The following MYO1D variants were observed in gnomAD, a reference collection of about 807,000 sequenced individuals.
MYO1D encodes the protein myosin ID, also known as unconventional myosin-Id.
A neutral mutation model predicts 122.0 loss-of-function variants in MYO1D; 83 were observed. That is an observed-to-expected ratio of 0.68 (90% confidence interval 0.57 to 0.82). MYO1D has a LOEUF of 0.82. MYO1D is among the 40% of genes least tolerant of loss of function. The pLI is 0.00. For synonymous variants in MYO1D, 464 were observed against 446.9 expected, an observed-to-expected ratio of 1.04 and a Z score of -0.48; for missense variants, 1,157 against 1,269.5, an observed-to-expected ratio of 0.91 and a Z score of 1.35.
At chr17:32,635,788 G>A (rs1478279014) in intron 20 of MYO1D, among the ~76,000 whole-genome samples, 1 of 152,120 alleles carries the variant, frequency 6.6e-6, no homozygotes, top group Admixed American at 6.5e-5. Context: ...CAGGAAAGGA[G>A]CCTCTATAGA....
chr17:32,523,105 A>T (rs531141354), intron 21 of MYO1D, among the ~76,000 whole-genome samples: 1 of 152,104 alleles, frequency 6.6e-6, no homozygotes, highest in South Asian at 2.1e-4. Context: ...GTGAGCAACC[A>T]CGCCTGGCCC....
At chr17:32,626,798 C>CA (rs1194134343) in intron 20 of MYO1D, among the ~76,000 whole-genome samples, 1 of 151,816 alleles carries the variant, frequency 6.6e-6, no homozygotes, top group Non-Finnish European at 1.5e-5. Context: ...CTCTTATTAA[C>CA]AAAAAAAGAG....
intron 1 of MYO1D, chr17:32,830,226 T>C (rs568094883): frequency 6.6e-6 from 1 of 152,328 alleles, no homozygotes; most frequent in East Asian, 1.9e-4. Context: ...CATTTTCGAA[T>C]AGTCAAGTGC....
intron 12 of MYO1D, among the ~76,000 whole-genome samples, chr17:32,747,147 C>T (rs995342745): frequency 6.6e-6 from 1 of 152,068 alleles, no homozygotes; most frequent in Non-Finnish European, 1.5e-5. Context: ...AATTTTGAGC[C>T]ATATTATTTT....
chr17:32,591,432 G>A (rs1263802798), intron 21 of MYO1D, among the ~76,000 whole-genome samples: 1 of 152,172 alleles, frequency 6.6e-6, no homozygotes, highest in Non-Finnish European at 1.5e-5. Context: ...AAAAACCATT[G>A]CTTAGAATGA....
intron 20 of MYO1D, among the ~76,000 whole-genome samples, chr17:32,618,409 T>C (rs1005402531): frequency 3.3e-5 from 5 of 152,304 alleles, no homozygotes; most frequent in Non-Finnish European, 7.3e-5. Flanking sequence ...CCAATTCACC[T>C]CACTGCACTG....
intron 6 of MYO1D, 66 bp downstream of exon 6, chr17:32,771,059 T>C (rs2151022908): frequency 3.2e-6 from 4 of 1,237,658 alleles, no homozygotes; most frequent in African/African-American, 1.5e-5. Flanking sequence ...CAGATAATTA[T>C]TGAATGTCTC....
Position 32,714,832 on chromosome 17 carries a change from G to A in MYO1D, c.1914-2637C>T, listed in dbSNP as rs191897097. ...CAAAAATGACAAATTAAACTAAAGA[G>A]CTTCTACACAACAAACGAAATTATC... On this transcript the variant is annotated intron_variant, in intron 15 of 21. Coordinates refer to ENST00000318217, the MANE Select transcript of MYO1D (RefSeq NM_015194.3). Among the ~76,000 whole-genome samples, 868 of 152,148 alleles carry A rather than the reference G, an allele frequency of 5.7e-3. 8 individuals carry two copies. Among genetic ancestry groups the A allele is most frequent in the Middle Eastern group, 0.034 (10 of 294 alleles).
At chr17:32,604,990 A>G in intron 21 of MYO1D, 97 bp downstream of exon 21, 1 of 1,190,040 alleles carries the variant, frequency 8.4e-7, no homozygotes, top group South Asian at 2.0e-5. Context: ...AAAATAGCTC[A>G]ATACATTAAA....
At chr17:32,780,095 C>G (rs1012423487) in intron 2 of MYO1D, among the ~76,000 whole-genome samples, 3 of 152,078 alleles carry the variant, frequency 2.0e-5, no homozygotes, top group South Asian at 2.1e-4. Context: ...CTATCTCCCC[C>G]CTTGTTGGGC....
intron 21 of MYO1D, among the ~76,000 whole-genome samples, chr17:32,520,615 C>T (rs1025646233): frequency 6.6e-6 from 1 of 152,230 alleles, no homozygotes; most frequent in Admixed American, 6.5e-5. Context: ...GAGCTGCCTC[C>T]CGACTGCCCT....
intron 11 of MYO1D, among the ~76,000 whole-genome samples, chr17:32,754,452 G>A (rs992825966): frequency 6.6e-6 from 1 of 152,166 alleles, no homozygotes; most frequent in African/African-American, 2.4e-5. Flanking sequence ...TCAATCCTCA[G>A]TAACAGACCA....
rs1281691356 is a variant in MYO1D, at chr17:32,745,292, G to A, written c.1539-7C>T. On this transcript the variant is annotated splice_region_variant and splice_polypyrimidine_tract_variant and intron_variant, in intron 12 of 21. Transcript: ENST00000318217. ...AAAACCAATGACAGAATAGCTAACAGGGAAAAATCACAGAAAACATGTATC... is the reference window on the plus strand; with the variant it reads ...AAAACCAATGACAGAATAGCTAACAAGGAAAAATCACAGAAAACATGTATC... 1.3e-6 allele frequency: 2 copies of A among 1,518,418 alleles called. No individual in the cohort carries two copies. Among genetic ancestry groups the A allele is most frequent in the South Asian group, 2.4e-5 (2 of 84,964 alleles). 94.1% of individuals were successfully genotyped at this position (1,518,418 alleles called of 1,614,324 possible). A position where few individuals can be genotyped will look rare whatever the true frequency, so the allele number is the denominator to read the frequency against.
intron 1 of MYO1D, among the ~76,000 whole-genome samples, chr17:32,805,273 T>C (rs952546626): frequency 3.3e-5 from 5 of 152,198 alleles, no homozygotes; most frequent in African/African-American, 1.2e-4. Flanking sequence ...TTGCTGAGTT[T>C]AAGGTATTTT....
At chr17:32,734,486 T>C (rs1192959761) in intron 14 of MYO1D, among the ~76,000 whole-genome samples, 1 of 152,178 alleles carries the variant, frequency 6.6e-6, no homozygotes, top group Non-Finnish European at 1.5e-5. Context: ...TTCTTTGGAG[T>C]TCCTTTTCTG....
chr17:32,785,992 A>G (rs1229125956), intron 1 of MYO1D, among the ~76,000 whole-genome samples: 2 of 152,204 alleles, frequency 1.3e-5, no homozygotes, highest in African/African-American at 4.8e-5. Context: ...CTGAACCACA[A>G]TCTAGGAAGA....
intron 14 of MYO1D, among the ~76,000 whole-genome samples, chr17:32,727,396 G>A (rs994451641): frequency 6.6e-6 from 1 of 152,190 alleles, no homozygotes; most frequent in Non-Finnish European, 1.5e-5. Context: ...TAATACAGGA[G>A]TCACTAAGCT....
intron 21 of MYO1D, among the ~76,000 whole-genome samples, chr17:32,600,078 C>T (rs2087545170): frequency 6.6e-6 from 1 of 152,212 alleles, no homozygotes; most frequent in South Asian, 2.1e-4. Flanking sequence ...ACATTTCCGT[C>T]AGTGCTCTTG....
intron 3 of MYO1D, among the ~76,000 whole-genome samples, chr17:32,777,790 C>T (rs183391979): frequency 1.6e-4 from 24 of 152,134 alleles, no homozygotes; most frequent in African/African-American, 5.8e-4. Flanking sequence ...AAAAATTAGC[C>T]GGGCGCAGTG....
Sources: allele counts gnomAD v4.1 joint callset (sites outside exome capture counted in the v4.1 genomes callset), GRCh38; gene constraint gnomAD v4.1.1; transcripts MANE v1.5; gene names NCBI Gene and HGNC (gene_info 2026-07-23, HGNC 2026-07-21).